Variants in CDKAL1 observed in about 807,000 individuals in gnomAD.
CDKAL1 encodes CDKAL1 threonylcarbamoyladenosine tRNA methylthiotransferase, also known as threonylcarbamoyladenosine tRNA methylthiotransferase.
In CDKAL1, 32 loss-of-function variants were observed where a neutral mutation model predicts 68.2. The observed-to-expected ratio is 0.47, with a 90% CI of 0.35 to 0.63. CDKAL1 has a LOEUF of 0.63. Among genes scored for constraint, CDKAL1 ranks in the 30% least tolerant of loss-of-function variants. The pLI is 0.00. For synonymous variants in CDKAL1, 234 were observed against 244.3 expected (o/e 0.96, Z 0.39); for missense variants, 606 against 696.7 (o/e 0.87, Z 1.47).
chr6:20,953,678 G>T lies in CDKAL1; in HGVS notation c.743-1741G>T, dbSNP rs1463168528. Among the ~76,000 whole-genome samples the T allele has an allele frequency of 3.9e-5, 6 of 152,122 alleles. No individual in the cohort carries two copies. The South Asian group carries it at 1.0e-3, about 26-fold the overall frequency. ...TCAGTCCACTTTTTAAATAGAAAAA[G>T]ATTTATTCCGTGTACAGAGAATATT... On this transcript the variant is annotated intron_variant, in intron 9 of 15. Coordinates refer to ENST00000274695, the MANE Select transcript of CDKAL1 (RefSeq NM_017774.3).
At chr6:21,134,572 C>T (rs914595040) in intron 13 of CDKAL1, among the ~76,000 whole-genome samples, 4 of 152,010 alleles carry the variant, frequency 2.6e-5, no homozygotes, top group African/African-American at 9.7e-5. Context: ...TTGCGTGCTG[C>T]GGAATACAAA....
intron 13 of CDKAL1, among the ~76,000 whole-genome samples, chr6:21,194,152 A>G (rs62404541): frequency 0.011 from 1,691 of 152,320 alleles, 14 homozygotes; most frequent in Non-Finnish European, 0.017. Context: ...TAATGACCTA[A>G]TCACATCTTA....
At chr6:21,159,964 G>A (rs1226630680) in intron 13 of CDKAL1, among the ~76,000 whole-genome samples, 2 of 152,170 alleles carry the variant, frequency 1.3e-5, no homozygotes, top group Admixed American at 1.3e-4. Flanking sequence ...AATGAGGCCT[G>A]ATTATTTTCA....
intron 4 of CDKAL1, among the ~76,000 whole-genome samples, chr6:20,555,188 T>A (rs1763985758): frequency 6.6e-6 from 1 of 152,254 alleles, no homozygotes; most frequent in Non-Finnish European, 1.5e-5. Flanking sequence ...TTTATTCTTT[T>A]TTGGCAAAGG....
chr6:21,209,078 A>G (rs1443496057), intron 15 of CDKAL1, among the ~76,000 whole-genome samples: 5 of 152,216 alleles, frequency 3.3e-5, no homozygotes, highest in Admixed American at 2.6e-4. Flanking sequence ...CTTGATAATA[A>G]TAATAGCTAC....
intron 9 of CDKAL1, among the ~76,000 whole-genome samples, chr6:20,873,724 C>T (rs904708259): frequency 6.6e-6 from 1 of 152,068 alleles, no homozygotes; most frequent in South Asian, 2.1e-4. Flanking sequence ...TATTTATTTC[C>T]GTGGGTGTTT....
At chr6:21,002,494 T>G (rs571369054) in intron 11 of CDKAL1, among the ~76,000 whole-genome samples, 6 of 152,208 alleles carry the variant, frequency 3.9e-5, no homozygotes, top group Middle Eastern at 3.4e-3. Flanking sequence ...ATTTTTAAAT[T>G]AACGCTGTAT....
At chr6:20,702,934 G>C (rs1000014699) in intron 5 of CDKAL1, among the ~76,000 whole-genome samples, 1 of 152,080 alleles carries the variant, frequency 6.6e-6, no homozygotes, top group African/African-American at 2.4e-5. Flanking sequence ...CAGCACTCCC[G>C]TATCACTAGG....
chr6:20,535,972 C>T (rs1054221567), intron 2 of CDKAL1, among the ~76,000 whole-genome samples: 2 of 152,188 alleles, frequency 1.3e-5, no homozygotes, highest in African/African-American at 4.8e-5. Flanking sequence ...CCCTATGCCA[C>T]CCAGGCCAGA....
chr6:20,625,622 C>T (rs1385941705), intron 4 of CDKAL1, among the ~76,000 whole-genome samples: 1 of 152,048 alleles, frequency 6.6e-6, no homozygotes, highest in African/African-American at 2.4e-5. Context: ...GTATTTGGCT[C>T]AAATGTGTTC....
chr6:21,039,326 T>C (rs767940956), intron 11 of CDKAL1, among the ~76,000 whole-genome samples: 1 of 152,190 alleles, frequency 6.6e-6, no homozygotes, highest in Non-Finnish European at 1.5e-5. Flanking sequence ...AAAAAATGTC[T>C]TCCAGGAGAC....
At chr6:20,817,948 C>T (rs921920384) in intron 8 of CDKAL1, among the ~76,000 whole-genome samples, 11 of 152,124 alleles carry the variant, frequency 7.2e-5, no homozygotes, top group African/African-American at 2.4e-4. Flanking sequence ...CCTGAAGCCT[C>T]CCATTCCTGA....
chr6:20,728,740 C>A (rs564669732), intron 5 of CDKAL1, among the ~76,000 whole-genome samples: 1 of 152,152 alleles, frequency 6.6e-6, no homozygotes, highest in Admixed American at 6.5e-5. Context: ...TACATGTACT[C>A]CGATTATCTG....
chr6:20,579,128 C>A (rs931031006), intron 4 of CDKAL1, among the ~76,000 whole-genome samples: 1 of 152,112 alleles, frequency 6.6e-6, no homozygotes, highest in African/African-American at 2.4e-5. Context: ...CGGGCCTGCA[C>A]CACCATGCTT....
intron 9 of CDKAL1, among the ~76,000 whole-genome samples, chr6:20,870,479 T>C (rs1292348891): frequency 6.6e-6 from 1 of 152,212 alleles, no homozygotes; most frequent in Non-Finnish European, 1.5e-5. Flanking sequence ...AGTTACATCT[T>C]GGGAATTTAC....
intron 4 of CDKAL1, among the ~76,000 whole-genome samples, chr6:20,634,169 G>T (rs750942685): frequency 2.6e-5 from 4 of 152,208 alleles, no homozygotes; most frequent in Non-Finnish European, 5.9e-5. Flanking sequence ...CAGTTTGCTA[G>T]TGAGTGGTTT....
chr6:20,654,755 G>A (rs1481800236), intron 5 of CDKAL1, among the ~76,000 whole-genome samples: 1 of 152,002 alleles, frequency 6.6e-6, no homozygotes, highest in Non-Finnish European at 1.5e-5. Context: ...CCTCTCATAT[G>A]TTGAGTGTCC....
At chr6:20,798,193 G>A in intron 8 of CDKAL1, among the ~76,000 whole-genome samples, 1 of 151,988 alleles carries the variant, frequency 6.6e-6, no homozygotes, top group East Asian at 1.9e-4. Context: ...ATTTTTAGGG[G>A]TTAGAGATTG....
At chr6:20,726,145 T>A (rs1360143318) in intron 5 of CDKAL1, among the ~76,000 whole-genome samples, 1 of 152,144 alleles carries the variant, frequency 6.6e-6, no homozygotes, top group East Asian at 1.9e-4. Context: ...TATTTGTCTC[T>A]AAGGGTGGCC....
Sources: allele counts gnomAD v4.1 joint callset (sites outside exome capture counted in the v4.1 genomes callset), GRCh38; gene constraint gnomAD v4.1.1; transcripts MANE v1.5; gene names NCBI Gene and HGNC (gene_info 2026-07-23, HGNC 2026-07-21).